PLEK2: variants seen among roughly 807,000 people sequenced by gnomAD.
The protein encoded by PLEK2 is pleckstrin 2, also known as pleckstrin-2.
In PLEK2, 29 loss-of-function variants were observed where a neutral mutation model predicts 43.8. The observed-to-expected ratio is 0.66, with a 90% CI of 0.49 to 0.90. The LOEUF is 0.90. PLEK2 is among the 40% of genes least tolerant of loss of function. The probability of loss-of-function intolerance (pLI) is 0.00; values close to 1 mark genes in which losing one functional copy is unlikely to be tolerated. For missense variants in PLEK2, 398 were observed against 448.1 expected, an observed-to-expected ratio of 0.89 and a Z score of 1.01; for synonymous variants, 162 against 173.2, an observed-to-expected ratio of 0.94 and a Z score of 0.51.
intron 2 of PLEK2, 27 bp downstream of exon 2, chr14:67,397,635 A>G (rs754912796): frequency 1.3e-6 from 2 of 1,590,224 alleles, no homozygotes; most frequent in Admixed American, 3.4e-5. Flanking sequence ...AACAGAGAGG[A>G]GCTGGACAGC....
chr14:67,405,211 C>G (rs1595660466), intron 1 of PLEK2, among the ~76,000 whole-genome samples: 1 of 102,166 alleles, frequency 9.8e-6, no homozygotes, highest in African/African-American at 4.1e-5. Flanking sequence ...GGCGACAGAG[C>G]AAGAGTCCAT....
At chr14:67,390,642 G>T in intron 7 of PLEK2, 21 bp downstream of exon 7, 2 of 1,554,984 alleles carry the variant, frequency 1.3e-6, no homozygotes, top group South Asian at 2.2e-5. Context: ...GGACCAACAT[G>T]GAGCCAGCAT....
chr14:67,400,085 G>A (rs1595658927), intron 1 of PLEK2, among the ~76,000 whole-genome samples: 1 of 152,142 alleles, frequency 6.6e-6, no homozygotes, highest in Non-Finnish European at 1.5e-5. Flanking sequence ...CACTCAGCAC[G>A]TACTAAGAGC....
intron 1 of PLEK2, among the ~76,000 whole-genome samples, chr14:67,406,416 T>C (rs536152826): frequency 3.3e-5 from 5 of 151,984 alleles, no homozygotes; most frequent in Non-Finnish European, 7.4e-5. Context: ...GTCTTCCTGG[T>C]TGTGTGGAGT....
At chr14:67,387,495 T>C (rs1566621349) in intron 8 of PLEK2, 39 bp from the exon 9 acceptor site, 1 of 1,589,416 alleles carries the variant, frequency 6.3e-7, no homozygotes, top group Non-Finnish European at 8.5e-7. Context: ...AGTGATTGAA[T>C]AGCCATGTCT....
At chr14:67,399,617 AG>A (rs2139871503) in intron 1 of PLEK2, among the ~76,000 whole-genome samples, 3 of 147,388 alleles carry the variant, frequency 2.0e-5, no homozygotes, top group South Asian at 2.3e-4. Flanking sequence ...CTCAGGTGGC[AG>A]GAATAAAGAG....
In PLEK2 at chr14:67,397,982, C is replaced by T. The variant is rs560789527; in HGVS notation, c.43-156G>A. 9.3e-5 allele frequency: 50 copies of T among 536,928 alleles called. 1 individual carries two copies. The South Asian group carries it at 1.5e-3, about 16-fold the overall frequency. 33.3% of individuals were successfully genotyped at this position (536,928 alleles called of 1,614,324 possible). On this transcript the variant is annotated intron_variant, in intron 1 of 8. Transcript: ENST00000216446. ...TTTGTGTCTGGATCTCTTCTGAGTA[C>T]GTAGCAAAGACCTTTGGCACTGACC... is the stretch of plus-strand genomic sequence containing the variant.
intron 3 of PLEK2, among the ~76,000 whole-genome samples, chr14:67,394,371 G>A (rs1020212038): frequency 3.9e-5 from 6 of 151,960 alleles, no homozygotes; most frequent in Admixed American, 1.3e-4. Flanking sequence ...ACTCCAGCCC[G>A]GGCAACTGAG....
chr14:67,392,452 C>T, intron 5 of PLEK2, 25 bp from the exon 6 acceptor site: 3 of 1,554,714 alleles, frequency 1.9e-6, no homozygotes, highest in Non-Finnish European at 1.8e-6. Flanking sequence ...GGAGCAAGGA[C>T]TCTGCTACAG....
At chr14:67,408,295 T>TA (rs775709332) in intron 1 of PLEK2, among the ~76,000 whole-genome samples, 3 of 116,716 alleles carry the variant, frequency 2.6e-5, no homozygotes, top group Non-Finnish European at 5.1e-5. Context: ...TCAAAATAAA[T>TA]AAATAAAATA....
intron 1 of PLEK2, among the ~76,000 whole-genome samples, chr14:67,411,422 C>T (rs2086114319): frequency 6.6e-6 from 1 of 152,098 alleles, no homozygotes; most frequent in Non-Finnish European, 1.5e-5. Flanking sequence ...TGTCAGTACC[C>T]ACCGTGTATG....
At chr14:67,407,373 G>A (rs1292602425) in intron 1 of PLEK2, among the ~76,000 whole-genome samples, 2 of 151,362 alleles carry the variant, frequency 1.3e-5, no homozygotes, top group African/African-American at 2.4e-5. Context: ...TGCCCACCTC[G>A]GCCTCCTAAA....
intron 3 of PLEK2, among the ~76,000 whole-genome samples, chr14:67,394,755 C>G (rs2085994174): frequency 6.6e-6 from 1 of 152,138 alleles, no homozygotes; most frequent in Admixed American, 6.5e-5. Flanking sequence ...AGAGGTGATG[C>G]CTTTAAGAGG....
chr14:67,400,993 AAAT>A (rs142279546), intron 1 of PLEK2, among the ~76,000 whole-genome samples: 13,423 of 150,654 alleles, frequency 0.089, 945 homozygotes, highest in African/African-American at 0.19. Flanking sequence ...CTGCCTCTTA[AAAT>A]AATAATAATA....
intron 3 of PLEK2, among the ~76,000 whole-genome samples, chr14:67,394,660 T>C (rs559345321): frequency 6.6e-6 from 1 of 152,262 alleles, no homozygotes; most frequent in South Asian, 2.1e-4. Flanking sequence ...AACAGTTCTT[T>C]TGCCTGGGAG....
chr14:67,405,374 A>G (rs2086072140), intron 1 of PLEK2, among the ~76,000 whole-genome samples: 1 of 152,130 alleles, frequency 6.6e-6, no homozygotes, highest in Admixed American at 6.6e-5. Context: ...TGATGAGATG[A>G]TTAGGGAAAT....
At chr14:67,409,411 T>C (rs950131097) in intron 1 of PLEK2, among the ~76,000 whole-genome samples, 1 of 152,174 alleles carries the variant, frequency 6.6e-6, no homozygotes, top group African/African-American at 2.4e-5. Context: ...AATAACTCTT[T>C]GTTATAAAGC....
At chr14:67,411,319 T>C (rs549495701) in intron 1 of PLEK2, among the ~76,000 whole-genome samples, 143 of 152,186 alleles carry the variant, frequency 9.4e-4, no homozygotes, top group Non-Finnish European at 8.4e-4. Context: ...GGTCAGAACA[T>C]GCAGTTCCTG....
chr14:67,390,156 T>C (rs981060436), intron 7 of PLEK2, among the ~76,000 whole-genome samples: 8 of 152,230 alleles, frequency 5.3e-5, no homozygotes, highest in African/African-American at 1.9e-4. Context: ...ATCAGAAACA[T>C]AAAAATGATT....
Sources: allele counts gnomAD v4.1 joint callset (sites outside exome capture counted in the v4.1 genomes callset), GRCh38; gene constraint gnomAD v4.1.1; transcripts MANE v1.5; gene names NCBI Gene and HGNC (gene_info 2026-07-23, HGNC 2026-07-21).